Variants in OSBPL8 observed in about 807,000 individuals in gnomAD.
OSBPL8 encodes oxysterol-binding protein-related protein 8.
Under a neutral mutation model 125.5 loss-of-function variants are expected in OSBPL8, and 59 were observed. The ratio of observed to expected loss-of-function variants is 0.47; its 90% CI spans 0.38 to 0.58. The LOEUF (loss-of-function observed/expected upper bound fraction) is 0.58, where lower values mean the gene tolerates loss of function less well. Among genes scored for constraint, OSBPL8 ranks in the 20% least tolerant of loss-of-function variants. OSBPL8 has a pLI of 0.00. For synonymous variants in OSBPL8, 330 were observed against 338.9 expected, an observed-to-expected ratio of 0.97 and a Z score of 0.29; for missense variants, 758 against 1,047.8, an observed-to-expected ratio of 0.72 and a Z score of 3.82.
rs190066616 is a variant in OSBPL8 at position 76,475,921 on chromosome 12, T to C, written c.42+11589A>G. Among the ~76,000 whole-genome samples the C allele has an allele frequency of 5.9e-5, 9 of 152,334 alleles. No individual in the cohort carries two copies. The East Asian group carries it at 9.6e-4, about 16-fold the overall frequency. On this transcript the variant is annotated intron_variant, in intron 2 of 23. Coordinates refer to ENST00000261183, the MANE Select transcript of OSBPL8 (RefSeq NM_020841.5). Reference sequence around the variant, plus strand: ...AGCATTTTTGCTTTTAAACTGTGCGTGTACACACATGCAGTACTGTTGCAG... The same window carrying C: ...AGCATTTTTGCTTTTAAACTGTGCGCGTACACACATGCAGTACTGTTGCAG...
chr12:76,516,814 TTTC>T (rs1881582478), intron 1 of OSBPL8, among the ~76,000 whole-genome samples: 1 of 145,356 alleles, frequency 6.9e-6, no homozygotes, highest in African/African-American at 2.6e-5. Context: ...TTTCTTTTCT[TTTC>T]TTTTTTTTTT....
At chr12:76,546,616 T>C (rs1436820587) in intron 1 of OSBPL8, among the ~76,000 whole-genome samples, 2 of 152,050 alleles carry the variant, frequency 1.3e-5, no homozygotes, top group Non-Finnish European at 2.9e-5. Flanking sequence ...AAAAAAAGTA[T>C]CAAAATTATA....
intron 1 of OSBPL8, among the ~76,000 whole-genome samples, chr12:76,494,493 A>G (rs1879070185): frequency 6.6e-6 from 1 of 152,234 alleles, no homozygotes; most frequent in Admixed American, 6.5e-5. Flanking sequence ...GCATTAATCT[A>G]GAAGAGAGAA....
At chr12:76,465,421 G>A (rs372818069) in intron 2 of OSBPL8, among the ~76,000 whole-genome samples, 3 of 151,940 alleles carry the variant, frequency 2.0e-5, no homozygotes, top group African/African-American at 7.3e-5. Context: ...TTAGCCGGGC[G>A]TGGTGGCGGG....
At chr12:76,503,716 T>C (rs1880134496) in intron 1 of OSBPL8, among the ~76,000 whole-genome samples, 2 of 151,934 alleles carry the variant, frequency 1.3e-5, no homozygotes, top group African/African-American at 4.8e-5. Flanking sequence ...TTTTTTTTTT[T>C]GTATTTTTAG....
At chr12:76,441,366 GA>G (rs1230142549) in intron 4 of OSBPL8, among the ~76,000 whole-genome samples, 2 of 151,980 alleles carry the variant, frequency 1.3e-5, no homozygotes, top group South Asian at 2.1e-4. Context: ...CCAAAAAAAA[GA>G]AAAAATTCTA....
intron 4 of OSBPL8, among the ~76,000 whole-genome samples, chr12:76,446,643 C>T (rs1198057672): frequency 2.0e-5 from 3 of 151,938 alleles, no homozygotes; most frequent in Non-Finnish European, 4.4e-5. Context: ...AGCCTTCAAC[C>T]CAAATGGAAT....
At chr12:76,497,195 T>C (rs1592790579) in intron 1 of OSBPL8, among the ~76,000 whole-genome samples, 3 of 115,874 alleles carry the variant, frequency 2.6e-5, no homozygotes, top group East Asian at 2.0e-4. Context: ...ATCAGCAAAT[T>C]TTTTTTTTTT....
chr12:76,414,986 T>TA (rs1212434251), intron 4 of OSBPL8, among the ~76,000 whole-genome samples: 1 of 152,188 alleles, frequency 6.6e-6, no homozygotes, highest in African/African-American at 2.4e-5. Context: ...GTCCTCTTTA[T>TA]AAAAAGATAT....
rs142715650 is a variant in OSBPL8, at chr12:76,369,224, C to T, written c.2318G>A (p.Arg773His). 45 of 1,609,920 alleles carry T rather than the reference C, an allele frequency of 2.8e-5. No homozygotes were observed. The highest frequency in any genetic ancestry group is 1.2e-4 in the South Asian group (11 of 90,416). ...TTTTTTATTACATACCATTGGAGTA[C>T]GATGTTTCACTTTGGTCTGAATAAC... ...DGVIQTKVKH[R>H]TPMVSVPKMK... is the part of the protein sequence containing the mutation. Residue 773 changes from arginine to histidine, a missense_variant, in exon 21 of 24, where the codon CGT becomes CAT. Physicochemically the swap from Arg to His is conservative, Grantham distance 29. Transcript: ENST00000261183.
In OSBPL8 at chr12:76,505,317, G is replaced by T. The variant is rs1434729899; in HGVS notation, c.-67-17699C>A. ...ATTAGTACCAACAGGCAGGTACAAT[G>T]ATCAGCAGCAATGACTAACCTGAAA... On this transcript the variant is annotated intron_variant, in intron 1 of 23. Transcript: ENST00000261183. Among the ~76,000 whole-genome samples, 4 of 152,224 alleles carry T rather than the reference G, an allele frequency of 2.6e-5. No individual in the cohort carries two copies. The East Asian group carries it at 7.8e-4, about 30-fold the overall frequency.
At chr12:76,370,590 C>T (rs1952583436) in intron 19 of OSBPL8, among the ~76,000 whole-genome samples, 1 of 152,110 alleles carries the variant, frequency 6.6e-6, no homozygotes, top group African/African-American at 2.4e-5. Flanking sequence ...TTCAAATATG[C>T]TGAATTATAT....
intron 1 of OSBPL8, among the ~76,000 whole-genome samples, chr12:76,501,148 AC>A (rs967744948): frequency 6.6e-6 from 1 of 152,138 alleles, no homozygotes; most frequent in Non-Finnish European, 1.5e-5. Flanking sequence ...TTTTTATAAT[AC>A]CTTTGGGTGC....
intron 5 of OSBPL8, among the ~76,000 whole-genome samples, chr12:76,409,784 C>G (rs1592627625): frequency 6.6e-6 from 1 of 152,164 alleles, no homozygotes; most frequent in African/African-American, 2.4e-5. Context: ...CAACCACTCT[C>G]AAGAACAGGA....
intron 1 of OSBPL8, among the ~76,000 whole-genome samples, chr12:76,500,371 C>G (rs1200316613): frequency 6.6e-6 from 1 of 152,172 alleles, no homozygotes; most frequent in African/African-American, 2.4e-5. Flanking sequence ...AAAACCAAAC[C>G]CAACCCACCC....
Position 76,371,358 on chromosome 12 carries a change from G to A in OSBPL8, c.2054+90C>T, listed in dbSNP as rs1443956890. 1.0e-5 allele frequency: 14 copies of A among 1,355,340 alleles called. No homozygotes were observed. In the East Asian group the frequency reaches 3.1e-4, roughly 30 times the overall value. The allele number at this position is 1,355,340 out of a possible 1,614,324, so 84.0% of individuals were successfully genotyped here. ...AAACTATTTTGCTGAATTAAGATAT[G>A]ACAGAAGGTGACAAAATGACCATAT... On this transcript the variant is annotated intron_variant, in intron 19 of 23. Coordinates refer to ENST00000261183, the MANE Select transcript of OSBPL8 (RefSeq NM_020841.5).
chr12:76,378,849 T>C (rs551193756), intron 15 of OSBPL8, among the ~76,000 whole-genome samples: 40 of 152,192 alleles, frequency 2.6e-4, no homozygotes, highest in African/African-American at 9.6e-4. Flanking sequence ...CGACTCACTG[T>C]AATCTCCACC....
Position 76,459,840 on chromosome 12 carries a change from T to C in OSBPL8, c.79+19A>G. On this transcript the variant is annotated intron_variant, in intron 3 of 23. Transcript: ENST00000261183. ...ATTATCATGTCCCCAAACATGCCGT[T>C]CAAGCTTCAGCTACTTACTTGATGG... The C allele has an allele frequency of 6.2e-7, 1 of 1,613,610 alleles. No individual in the cohort carries two copies. Among genetic ancestry groups the C allele is most frequent in the Non-Finnish European group, 8.5e-7 (1 of 1,179,856 alleles).
chr12:76,409,160 G>A (rs1355006913), intron 5 of OSBPL8, among the ~76,000 whole-genome samples: 3 of 152,108 alleles, frequency 2.0e-5, no homozygotes, highest in Admixed American at 6.5e-5. Flanking sequence ...TAAGCTGAAG[G>A]AAACTGAGAA....
Sources: gnomAD v4.1 joint callset for allele counts (sites outside exome capture counted in the v4.1 genomes callset) on GRCh38, gnomAD v4.1.1 for gene constraint, MANE v1.5 for transcripts, NCBI Gene and HGNC (gene_info 2026-07-23, HGNC 2026-07-21) for gene names.